The following NAP1L1 variants were observed in gnomAD, a reference collection of about 807,000 sequenced individuals.
NAP1L1 encodes nucleosome assembly protein 1 like 1.
Under a neutral mutation model 58.9 loss-of-function variants are expected in NAP1L1, and 9 were observed. The observed-to-expected ratio is 0.15, with a 90% CI of 0.09 to 0.27. NAP1L1 has a LOEUF of 0.27. Ranked by LOEUF, NAP1L1 falls within the 10% of genes least tolerant of loss-of-function variation. NAP1L1 has a pLI of 1.00. For missense variants in NAP1L1, 302 were observed against 458.8 expected, an observed-to-expected ratio of 0.66 and a Z score of 3.12; for synonymous variants, 130 against 138.3, an observed-to-expected ratio of 0.94 and a Z score of 0.42.
At chr12:76,058,052 C>A in intron 6 of NAP1L1, 1 of 777,344 alleles carries the variant, frequency 1.3e-6, no homozygotes, top group Non-Finnish European at 2.4e-6. Flanking sequence ...TTACAGATGA[C>A]ATAATTGAGG....
At chr12:76,080,169 A>G (rs919553951) in intron 1 of NAP1L1, among the ~76,000 whole-genome samples, 2 of 152,240 alleles carry the variant, frequency 1.3e-5, no homozygotes, top group Non-Finnish European at 2.9e-5. Flanking sequence ...GTGATCCCAC[A>G]AGATTATAAT....
At chr12:76,070,508 T>TC (rs944782013) in intron 2 of NAP1L1, among the ~76,000 whole-genome samples, 5 of 152,258 alleles carry the variant, frequency 3.3e-5, no homozygotes, top group African/African-American at 1.2e-4. Flanking sequence ...TCTCCTCCTC[T>TC]CGTGTCTTTA....
chr12:76,054,012 AT>A (rs35076461), intron 8 of NAP1L1, 103 bp from the exon 9 acceptor site: 969,853 of 1,192,602 alleles, frequency 0.81, 398,212 homozygotes, highest in East Asian at 1. Flanking sequence ...CTAAATGATA[AT>A]TTTTTTTTCT....
chr12:76,063,881 TA>T lies in NAP1L1; in HGVS notation c.206+3489del, dbSNP rs10693123. ...AAAAAGACATACTAGGTTAAAAGTT[TA>T]AAAAAAAAAAAAAAAAAAAAGAGGC... On this transcript the variant is annotated intron_variant, in intron 4 of 14. Coordinates refer to ENST00000618691, the MANE Select transcript of NAP1L1 (RefSeq NM_004537.7). Among the ~76,000 whole-genome samples the T allele has an allele frequency of 3.4e-3, 472 of 137,464 alleles. 3 individuals are homozygous for T. The highest frequency in any genetic ancestry group is 9.8e-3 in the African/African-American group (354 of 35,984). 90.2% of individuals were successfully genotyped at this position (137,464 alleles called of 152,430 possible).
rs1472356259 is a variant in NAP1L1, at chr12:76,042,110, T to C, written c.*6319A>G. On this transcript the variant is annotated 3_prime_UTR_variant, in exon 15 of 15. Transcript: ENST00000618691. ...TCAAAACGAGGCATATGTTTAATTT[T>C]ATTATCCAGTCTTAGTCTCAGTGTT... 1 of 152,194 alleles carries C rather than the reference T, an allele frequency of 6.6e-6. No homozygotes were observed. Among genetic ancestry groups the C allele is most frequent in the Admixed American group, 6.5e-5 (1 of 15,280 alleles). The allele number at this position is 152,194 out of a possible 1,614,324, so 9.4% of individuals were successfully genotyped here.
chr12:76,060,117 C>T, intron 5 of NAP1L1, 21 bp downstream of exon 5: 1 of 1,603,174 alleles, frequency 6.2e-7, no homozygotes, highest in Non-Finnish European at 8.5e-7. Context: ...TTAAATTAAA[C>T]AAAGTAGGAG....
Position 76,053,397 on chromosome 12 carries a change from A to G in NAP1L1, c.771-47T>C, listed in dbSNP as rs1189985835. 3.8e-6 allele frequency: 6 copies of G among 1,575,780 alleles called. No individual in the cohort carries two copies. The South Asian group carries it at 7.0e-5, about 19-fold the overall frequency. On this transcript the variant is annotated intron_variant, in intron 9 of 14. Transcript: ENST00000618691. ...ATCTATTACAATTGACAATCTTTCA[A>G]CTGCTAAACTTTTAGAAGTAAATGT...
At chr12:76,053,978 GCTTC>G in intron 8 of NAP1L1, 69 bp from the exon 9 acceptor site, 1 of 1,440,290 alleles carries the variant, frequency 6.9e-7, no homozygotes, top group Non-Finnish European at 9.4e-7. Flanking sequence ...AGTAAACACA[GCTTC>G]ATCTGTTTTT....
intron 1 of NAP1L1, 194 bp from the exon 2 acceptor site, chr12:76,074,433 A>AT: frequency 2.3e-6 from 2 of 875,108 alleles, no homozygotes; most frequent in Non-Finnish European, 2.7e-6. Flanking sequence ...ACCAAAAATA[A>AT]TTTTTCAGAG....
chr12:76,039,258 GGA>G lies in NAP1L1; in HGVS notation c.*9169_*9170del, dbSNP rs888850701. 2.2e-4 allele frequency: 34 copies of G among 152,240 alleles called. No homozygotes were observed. The highest frequency in any genetic ancestry group is 7.9e-4 in the African/African-American group (33 of 41,546). The allele number at this position is 152,240 out of a possible 1,614,324, so 9.4% of individuals were successfully genotyped here. The stretch of plus-strand genomic sequence containing the variant: ...TAAACCATAGGTTCTTCTTTTTACA[GGA>G]GAGGTTGGATGCCAGTAGCCTTTAG... On this transcript the variant is annotated 3_prime_UTR_variant, in exon 15 of 15. Coordinates refer to ENST00000618691, the MANE Select transcript of NAP1L1 (RefSeq NM_004537.7).
chr12:76,066,341 T>C (rs1294549616), intron 4 of NAP1L1, among the ~76,000 whole-genome samples: 2 of 151,986 alleles, frequency 1.3e-5, no homozygotes, highest in Non-Finnish European at 2.9e-5. Context: ...GGGCAAAATA[T>C]TTTACTAAAA....
chr12:76,060,829 A>G (rs1393395833), intron 4 of NAP1L1, among the ~76,000 whole-genome samples: 1 of 152,264 alleles, frequency 6.6e-6, no homozygotes, highest in Non-Finnish European at 1.5e-5. Flanking sequence ...GCTATGGCTC[A>G]CAACTGTAGT....
In NAP1L1 at chr12:76,056,097, T is replaced by G; in HGVS notation, c.494A>C (p.Lys165Thr). ...AGTTAACCAAAATTCAGGAATTCCT[T>G]TGGGGTCTTCTTTTTCTTCATCTTT... is the stretch of plus-strand genomic sequence containing the variant. The part of the protein sequence containing the change: ...EKKDEEKEDP[K>T]GIPEFWLTVF... Residue 165 changes from lysine (K) to threonine (T), a missense_variant, in exon 7 of 15, where the codon AAA becomes ACA. Physicochemically the swap from Lys to Thr is moderately conservative, Grantham distance 78 (BLOSUM62 -1). Transcript: ENST00000618691. The G allele has an allele frequency of 6.2e-7, 1 of 1,612,838 alleles. No individual in the cohort carries two copies. The highest frequency in any genetic ancestry group is 8.5e-7 in the Non-Finnish European group (1 of 1,179,608).
rs531686604 is a variant in NAP1L1, at chr12:76,059,656, G to A, written c.429+142C>T. On this transcript the variant is annotated intron_variant, in intron 6 of 14. Transcript: ENST00000618691. Reference sequence around the variant, plus strand: ...TTTAAAAATAAAGTAATAGAAAAACGTGTAATAAAGACGTAAAATTAAAAA... The same window carrying A: ...TTTAAAAATAAAGTAATAGAAAAACATGTAATAAAGACGTAAAATTAAAAA... 1.5e-3 allele frequency: 942 copies of A among 612,714 alleles called. 1 individual carries two copies. Among genetic ancestry groups the A allele is most frequent in the Non-Finnish European group, 2.3e-3 (810 of 356,046 alleles). The allele number at this position is 612,714 out of a possible 1,614,324, so 38.0% of individuals were successfully genotyped here. A position where few individuals can be genotyped will look rare whatever the true frequency, so the allele number is the denominator to read the frequency against.
At chr12:76,073,909 A>C in intron 2 of NAP1L1, 1 of 285,572 alleles carries the variant, frequency 3.5e-6, no homozygotes, top group Non-Finnish European at 6.5e-6. Flanking sequence ...AAATATATAC[A>C]ATAAAAATGA....
intron 6 of NAP1L1, among the ~76,000 whole-genome samples, chr12:76,058,420 A>G (rs1344198671): frequency 1.4e-5 from 2 of 146,878 alleles, no homozygotes; most frequent in Non-Finnish European, 3.0e-5. Flanking sequence ...GGAGTCTCAC[A>G]CTGTCGCCTG....
intron 11 of NAP1L1, among the ~76,000 whole-genome samples, chr12:76,051,214 G>A (rs1031001484): frequency 1.3e-5 from 2 of 151,200 alleles, no homozygotes; most frequent in Non-Finnish European, 2.9e-5. Flanking sequence ...AAATTGTGAA[G>A]AATAAAAATT....
chr12:76,076,858 T>C (rs1950201749), intron 1 of NAP1L1, among the ~76,000 whole-genome samples: 2 of 152,086 alleles, frequency 1.3e-5, no homozygotes, highest in African/African-American at 4.8e-5. Flanking sequence ...ATATAGACTA[T>C]TGCTCCCAGG....
intron 4 of NAP1L1, among the ~76,000 whole-genome samples, chr12:76,061,680 G>C (rs1264603508): frequency 6.6e-6 from 1 of 152,130 alleles, no homozygotes; most frequent in East Asian, 1.9e-4. Flanking sequence ...CAGGGAATCT[G>C]TGCAACAGAT....
Sources: gnomAD v4.1 joint callset for allele counts (sites outside exome capture counted in the v4.1 genomes callset) on GRCh38, gnomAD v4.1.1 for gene constraint, MANE v1.5 for transcripts, NCBI Gene and HGNC (gene_info 2026-07-23, HGNC 2026-07-21) for gene names.